The following RBFOX1 variants were observed in gnomAD, a reference collection of about 807,000 sequenced individuals.
RBFOX1 encodes RNA binding fox-1 homolog 1, also known as RNA binding protein fox-1 homolog 1.
Under a neutral mutation model 57.7 loss-of-function variants are expected in RBFOX1, and 8 were observed. The ratio of observed to expected loss-of-function variants is 0.14; its 90% CI spans 0.08 to 0.25. The LOEUF (loss-of-function observed/expected upper bound fraction) is 0.25, where lower values mean the gene tolerates loss of function less well. RBFOX1 is among the 10% of genes least tolerant of loss of function. The pLI is 1.00. For missense variants in RBFOX1, 611 were observed against 548.5 expected (o/e 1.11, Z -1.14); for synonymous variants, 326 against 222.4 (o/e 1.47, Z -4.15).
chr16:5,718,256 C>T (rs561401349), intron 3 of RBFOX1, among the ~76,000 whole-genome samples: 3 of 152,198 alleles, frequency 2.0e-5, no homozygotes, highest in Non-Finnish European at 4.4e-5. Flanking sequence ...TATTAAGAAT[C>T]CATGTGGAGC....
chr16:7,174,044 G>C lies in RBFOX1; in HGVS notation c.27+121946G>C, dbSNP rs529420787. Among the ~76,000 whole-genome samples the C allele has an allele frequency of 1.7e-3, 262 of 152,318 alleles. 1 individual carries two copies. In the South Asian group the frequency reaches 0.022, roughly 13 times the overall value. ...TATTCATTAAACAAATATTTATTGA[G>C]CATCTGCTTTGTGTTAAATGCTGAA... On this transcript the variant is annotated intron_variant, in intron 4 of 15. Transcript: ENST00000550418.
chr16:5,312,635 G>T (rs1185383841), intron 1 of RBFOX1, among the ~76,000 whole-genome samples: 1 of 152,174 alleles, frequency 6.6e-6, no homozygotes, highest in Admixed American at 6.5e-5. Flanking sequence ...AATTATAGAT[G>T]ATATGGGATC....
intron 1 of RBFOX1, among the ~76,000 whole-genome samples, chr16:6,189,627 T>C (rs933585985): frequency 6.6e-6 from 1 of 152,202 alleles, no homozygotes; most frequent in Admixed American, 6.5e-5. Flanking sequence ...CTATTGGAAG[T>C]AGCTATAAAG....
At chr16:6,175,633 A>T (rs1054570067) in intron 1 of RBFOX1, among the ~76,000 whole-genome samples, 2 of 152,282 alleles carry the variant, frequency 1.3e-5, no homozygotes, top group South Asian at 4.1e-4. Flanking sequence ...ATAGTACTAG[A>T]ATTTAAAGTG....
At chr16:7,303,159 G>A (rs2142079761) in intron 4 of RBFOX1, among the ~76,000 whole-genome samples, 1 of 152,326 alleles carries the variant, frequency 6.6e-6, no homozygotes, top group African/African-American at 2.4e-5. Flanking sequence ...TGCTCTCATT[G>A]AACAGCTCAG....
At chr16:6,554,321 C>G (rs543503241) in intron 2 of RBFOX1, among the ~76,000 whole-genome samples, 3 of 152,070 alleles carry the variant, frequency 2.0e-5, no homozygotes, top group Admixed American at 6.6e-5. Context: ...CTCCCATCCC[C>G]GTGAAGTGTT....
intron 2 of RBFOX1, among the ~76,000 whole-genome samples, chr16:6,633,177 G>A (rs2098403995): frequency 1.3e-5 from 2 of 152,166 alleles, no homozygotes; most frequent in Admixed American, 6.5e-5. Flanking sequence ...AGCAGGGCAG[G>A]TCAGATGTCC....
chr16:7,263,466 G>C (rs932268487), intron 4 of RBFOX1, among the ~76,000 whole-genome samples: 4 of 152,156 alleles, frequency 2.6e-5, no homozygotes, highest in African/African-American at 7.2e-5. Context: ...TCCCAGAAGA[G>C]ACCAATTTAA....
intron 8 of RBFOX1, among the ~76,000 whole-genome samples, 170 bp downstream of exon 8, chr16:7,595,811 T>C (rs2094656691): frequency 6.7e-6 from 1 of 149,918 alleles, no homozygotes; most frequent in Non-Finnish European, 1.5e-5. Context: ...CCTTACTTTT[T>C]TTTTTAATTT....
At chr16:7,351,345 T>C (rs2097126911) in intron 4 of RBFOX1, among the ~76,000 whole-genome samples, 2 of 152,272 alleles carry the variant, frequency 1.3e-5, no homozygotes. Flanking sequence ...TTCATTCCTT[T>C]GATAATTCTT....
At chr16:6,885,271 C>T (rs954427139) in intron 3 of RBFOX1, among the ~76,000 whole-genome samples, 1 of 152,176 alleles carries the variant, frequency 6.6e-6, no homozygotes, top group Non-Finnish European at 1.5e-5. Flanking sequence ...CACCTGGAAA[C>T]TTGCTACAGA....
chr16:6,628,546 C>T (rs1057365244), intron 2 of RBFOX1, among the ~76,000 whole-genome samples: 15 of 152,106 alleles, frequency 9.9e-5, no homozygotes, highest in African/African-American at 3.4e-4. Flanking sequence ...CTTCATCTAC[C>T]AATCCACCTC....
At chr16:7,303,318 T>A (rs1239839008) in intron 4 of RBFOX1, among the ~76,000 whole-genome samples, 1 of 152,042 alleles carries the variant, frequency 6.6e-6, no homozygotes, top group Non-Finnish European at 1.5e-5. Context: ...CCAAGCTCCC[T>A]CCTGCCCCCA....
chr16:7,447,026 A>G (rs997288174), intron 4 of RBFOX1, among the ~76,000 whole-genome samples: 1 of 151,346 alleles, frequency 6.6e-6, no homozygotes, highest in African/African-American at 2.4e-5. Context: ...GTTAGCCAGG[A>G]TGGTCTTGAT....
At chr16:5,600,912 T>C (rs989011076), downstream of RBFOX1, among the ~76,000 whole-genome samples, 5 of 152,154 alleles carry the variant, frequency 3.3e-5, no homozygotes, top group African/African-American at 1.2e-4. Flanking sequence ...GTTTTTATCC[T>C]CATTTTGTGG....
At chr16:7,205,275 A>G (rs547653761) in intron 4 of RBFOX1, among the ~76,000 whole-genome samples, 160 of 152,118 alleles carry the variant, frequency 1.1e-3, no homozygotes, top group African/African-American at 3.6e-3. Context: ...CCCAGTGCTT[A>G]GGGAGGCTGA....
chr16:7,382,610 C>G (rs8063274), intron 4 of RBFOX1, among the ~76,000 whole-genome samples: 1 of 152,088 alleles, frequency 6.6e-6, no homozygotes, highest in Non-Finnish European at 1.5e-5. Flanking sequence ...CTGATTAATG[C>G]GCAAGATGGC....
rs530770004 is a variant in RBFOX1 at position 7,325,031 on chromosome 16, G to T, written c.28-193116G>T. 1.2e-4 allele frequency among the ~76,000 whole-genome samples: 19 copies of T among 152,296 alleles called. No homozygotes were observed. The South Asian group carries it at 3.9e-3, about 32-fold the overall frequency. On this transcript the variant is annotated intron_variant, in intron 4 of 15. Coordinates refer to ENST00000550418, the MANE Select transcript of RBFOX1 (RefSeq NM_018723.4). ...AAGGAGGTAAGCTCTTCAACAAGAA[G>T]GCACTTCACAAGTTGCATTTGTTAG...
intron 4 of RBFOX1, among the ~76,000 whole-genome samples, chr16:7,290,376 A>G (rs1235713124): frequency 6.6e-6 from 1 of 152,186 alleles, no homozygotes; most frequent in Admixed American, 6.5e-5. Flanking sequence ...TGATACTGAG[A>G]TGCAGAAGGT....
Sources: gnomAD v4.1 joint callset for allele counts (sites outside exome capture counted in the v4.1 genomes callset) on GRCh38, gnomAD v4.1.1 for gene constraint, MANE v1.5 for transcripts, NCBI Gene and HGNC (gene_info 2026-07-23, HGNC 2026-07-21) for gene names.